The following IQSEC1 variants were observed in gnomAD, a reference collection of about 807,000 sequenced individuals.
IQSEC1 encodes the protein IQ motif and SEC7 domain-containing protein 1.
Under a neutral mutation model 91.0 loss-of-function variants are expected in IQSEC1, and 31 were observed. The observed-to-expected ratio is 0.34, with a 90% CI of 0.26 to 0.46. The LOEUF (loss-of-function observed/expected upper bound fraction) is 0.46, where lower values mean the gene tolerates loss of function less well. Ranked by LOEUF, IQSEC1 falls within the 20% of genes least tolerant of loss-of-function variation. The pLI is 1.00. For missense variants in IQSEC1, 1,388 were observed against 1,575.6 expected, an observed-to-expected ratio of 0.88 and a Z score of 2.02; for synonymous variants, 699 against 662.6, an observed-to-expected ratio of 1.05 and a Z score of -0.84.
At chr3:13,083,284 C>T (rs1705677306) in intron 2 of IQSEC1, among the ~76,000 whole-genome samples, 1 of 152,204 alleles carries the variant, frequency 6.6e-6, no homozygotes. Context: ...GAGAAGGTGG[C>T]AGTTCTCACA....
At chr3:12,901,647 CAGAGGGTGGGG>C in intron 13 of IQSEC1, 125 bp from the exon 14 acceptor site, 1 of 816,194 alleles carries the variant, frequency 1.2e-6, no homozygotes, top group African/African-American at 1.7e-5. Context: ...ACTCACTGGC[CAGAGGGTGGGG>C]CTCAGTGAGG....
At chr3:13,056,533 T>C (rs572661846) in intron 1 of IQSEC1, among the ~76,000 whole-genome samples, 3 of 152,226 alleles carry the variant, frequency 2.0e-5, no homozygotes, top group South Asian at 2.1e-4. Context: ...ATGAGGAAAC[T>C]AAGGCTCAGA....
At chr3:13,209,747 G>C (rs1694409974) in intron 1 of IQSEC1, among the ~76,000 whole-genome samples, 2 of 152,246 alleles carry the variant, frequency 1.3e-5, no homozygotes, top group African/African-American at 4.8e-5. Context: ...CCGAGAGCCT[G>C]AGCGTGAATA....
In IQSEC1 at chr3:12,994,209, G is replaced by A. The variant is rs1349405110; in HGVS notation, c.24-52344C>T. 6.8e-6 allele frequency among the ~76,000 whole-genome samples: 1 copy of A among 147,982 alleles called. No individual in the cohort carries two copies. The highest frequency in any genetic ancestry group is 2.5e-5 in the African/African-American group (1 of 40,750). ...GGAGCCGGAGCCGGAGCCCGAGCCC[G>A]ATACCAGCGCCACCGGCGGGGCGGC... On this transcript the variant is annotated intron_variant, in intron 1 of 13. Transcript: ENST00000613206. The surrounding 1 kb of genome is among the most constrained non-coding windows in gnomAD (Gnocchi z 4.5).
In IQSEC1 at chr3:12,922,897, AC is replaced by A. The variant is rs1344849881; in HGVS notation, c.1731-656del. Among the ~76,000 whole-genome samples, 1 of 152,130 alleles carries A rather than the reference AC, an allele frequency of 6.6e-6. No homozygotes were observed. The highest frequency in any genetic ancestry group is 2.4e-5 in the African/African-American group (1 of 41,432). The stretch of plus-strand genomic sequence containing the variant: ...CCTGAACAGAGAAGATGGAGTCTGC[AC>A]CAGGAGCCCTGAGGCAGGCTCCAGC... On this transcript the variant is annotated intron_variant, in intron 4 of 13. Coordinates refer to ENST00000613206, the MANE Select transcript of IQSEC1 (RefSeq NM_001134382.3). The surrounding 1 kb of genome is among the most constrained non-coding windows in gnomAD (Gnocchi z 5.1).
intron 2 of IQSEC1, among the ~76,000 whole-genome samples, chr3:13,129,703 G>A (rs555024368): frequency 7.4e-6 from 1 of 135,650 alleles, no homozygotes; most frequent in Non-Finnish European, 1.5e-5. Context: ...TGTTGCCCAG[G>A]CTGGAGTGCA....
intron 1 of IQSEC1, among the ~76,000 whole-genome samples, chr3:13,044,403 T>C (rs1704410475): frequency 6.6e-6 from 1 of 152,206 alleles, no homozygotes; most frequent in African/African-American, 2.4e-5. Flanking sequence ...ACCCTGTCTG[T>C]AGTCACTTTC....
intron 1 of IQSEC1, among the ~76,000 whole-genome samples, chr3:13,276,473 T>C (rs1317024518): frequency 6.6e-6 from 1 of 152,100 alleles, no homozygotes; most frequent in Non-Finnish European, 1.5e-5. Flanking sequence ...CTGTATCTGC[T>C]CTCCCTGCAC....
At chr3:12,944,547 C>T (rs1699043572) in intron 1 of IQSEC1, among the ~76,000 whole-genome samples, 1 of 152,160 alleles carries the variant, frequency 6.6e-6, no homozygotes, top group Admixed American at 6.5e-5. Context: ...CAGGCCTGTG[C>T]ACCTCCCTCC....
chr3:12,923,303 G>A (rs952076505), intron 4 of IQSEC1, among the ~76,000 whole-genome samples: 4 of 152,234 alleles, frequency 2.6e-5, no homozygotes, highest in Non-Finnish European at 5.9e-5. Context: ...GGCAGCATAG[G>A]AATGGCTGCA....
At chr3:13,256,600 C>A (rs972170319) in intron 1 of IQSEC1, among the ~76,000 whole-genome samples, 7 of 152,304 alleles carry the variant, frequency 4.6e-5, no homozygotes, top group African/African-American at 1.7e-4. Context: ...CCTCACCAAC[C>A]CCAAAGCAGC....
chr3:13,268,873 C>G (rs957007311), intron 1 of IQSEC1, among the ~76,000 whole-genome samples: 1 of 152,138 alleles, frequency 6.6e-6, no homozygotes. Flanking sequence ...GATGCAAGCC[C>G]CCAGGCCCCC....
intron 2 of IQSEC1, among the ~76,000 whole-genome samples, chr3:13,101,061 T>C (rs536103338): frequency 8.2e-6 from 1 of 122,518 alleles, no homozygotes; most frequent in South Asian, 2.3e-4. Context: ...TGGGAGGGAC[T>C]GAGCTGGGAA....
intron 2 of IQSEC1, among the ~76,000 whole-genome samples, chr3:13,147,339 G>A (rs1182116317): frequency 7.5e-6 from 1 of 134,218 alleles, no homozygotes; most frequent in Admixed American, 8.4e-5. Flanking sequence ...TTCTGAGTCT[G>A]TGAGGTCCAT....
chr3:12,914,802 T>C (rs548807481), intron 8 of IQSEC1, among the ~76,000 whole-genome samples: 68 of 151,690 alleles, frequency 4.5e-4, no homozygotes, highest in African/African-American at 1.6e-3. Flanking sequence ...CAGGGCCAGG[T>C]AGCGGACAGG....
intron 4 of IQSEC1, among the ~76,000 whole-genome samples, chr3:12,923,426 A>G (rs1696815589): frequency 1.3e-5 from 2 of 152,176 alleles, no homozygotes; most frequent in South Asian, 2.1e-4. Flanking sequence ...CTAACGATAC[A>G]GCAGGCTTCT....
chr3:12,914,401 C>G (rs1342432934), intron 8 of IQSEC1, among the ~76,000 whole-genome samples: 1 of 152,162 alleles, frequency 6.6e-6, no homozygotes, highest in Non-Finnish European at 1.5e-5. Context: ...CTTGACTCTA[C>G]CAGGGGTGCT....
chr3:13,073,058 G>C lies in IQSEC1; in HGVS notation c.-44C>G, dbSNP rs1275166611. On this transcript the variant is annotated 5_prime_UTR_variant, in exon 1 of 14. Coordinates refer to ENST00000613206, the MANE Select transcript of IQSEC1 (RefSeq NM_001134382.3). ...TCCCTGTTCTGGCTCCCTCTCCAGCGGGGAGGCTCAACGTGTTTCCAAGAG... is the reference window on the plus strand; with the variant it reads ...TCCCTGTTCTGGCTCCCTCTCCAGCCGGGAGGCTCAACGTGTTTCCAAGAG... The C allele has an allele frequency of 5.8e-6, 9 of 1,551,338 alleles. No individual in the cohort carries two copies. The South Asian group carries it at 5.9e-5, about 10-fold the overall frequency.
chr3:13,057,629 C>A (rs1308386625), intron 1 of IQSEC1, among the ~76,000 whole-genome samples: 1 of 152,234 alleles, frequency 6.6e-6, no homozygotes, highest in Non-Finnish European at 1.5e-5. Flanking sequence ...AAGCACCTGG[C>A]ACAGGGTCAC....
Sources: gnomAD v4.1 joint callset for allele counts (sites outside exome capture counted in the v4.1 genomes callset) on GRCh38, gnomAD v4.1.1 for gene constraint, Gnocchi (gnomAD v3.1) non-coding constraint, MANE v1.5 for transcripts, NCBI Gene and HGNC (gene_info 2026-07-23, HGNC 2026-07-21) for gene names.